The following CELF2 variants were observed in gnomAD, a reference collection of about 807,000 sequenced individuals.
The protein encoded by CELF2 is CUGBP Elav-like family member 2.
A neutral mutation model predicts 62.6 loss-of-function variants in CELF2; 8 were observed. That is an observed-to-expected ratio of 0.13 (90% CI 0.07 to 0.23). CELF2 has a LOEUF of 0.23. Among genes scored for constraint, CELF2 ranks in the 10% least tolerant of loss-of-function variants. The pLI is 1.00. For missense variants in CELF2, 333 were observed against 671.0 expected, an observed-to-expected ratio of 0.50 and a Z score of 5.56; for synonymous variants, 258 against 250.0, an observed-to-expected ratio of 1.03 and a Z score of -0.30.
the CELF2 span, among the ~76,000 whole-genome samples, chr10:10,571,719 T>A: frequency 6.6e-6 from 1 of 152,058 alleles, no homozygotes; most frequent in Non-Finnish European, 1.5e-5. Context: ...TAAGGCTGAG[T>A]CGGACAGCAG....
chr10:10,852,223 C>T (rs2059424854), intron 1 of CELF2, among the ~76,000 whole-genome samples: 1 of 152,138 alleles, frequency 6.6e-6, no homozygotes. Context: ...GATGATTACA[C>T]CAATGTGATA....
the CELF2 span, among the ~76,000 whole-genome samples, chr10:10,750,284 GAA>G: frequency 4.5e-5 from 5 of 110,786 alleles, no homozygotes; most frequent in South Asian, 2.7e-4. Context: ...CCATCTCAAA[GAA>G]AAAAAAAAAA....
chr10:10,540,677 G>T, the CELF2 span, among the ~76,000 whole-genome samples: 1 of 152,264 alleles, frequency 6.6e-6, no homozygotes, highest in East Asian at 1.9e-4. Context: ...CAACATCTGT[G>T]CAGGGAGTCC....
rs1302855149 is a variant in CELF2, at chr10:11,120,970, G to A, written c.75-44516G>A. On this transcript the variant is annotated intron_variant, in intron 1 of 12. Transcript: ENST00000633077. ...TTTAAGCGCGTCCATTTGCAGACGT[G>A]CCAAGAGCTTGCAAGGAGGTGTGTA... Among the ~76,000 whole-genome samples, 6 of 152,264 alleles carry A rather than the reference G, an allele frequency of 3.9e-5. No individual in the cohort carries two copies. The East Asian group carries it at 1.2e-3, about 29-fold the overall frequency.
At chr10:10,630,817 A>C in the CELF2 span, among the ~76,000 whole-genome samples, 3 of 152,242 alleles carry the variant, frequency 2.0e-5, no homozygotes, top group Non-Finnish European at 4.4e-5. Context: ...ATAGCTGCAA[A>C]TAAAGAAAAC....
chr10:10,627,210 C>T, the CELF2 span, among the ~76,000 whole-genome samples: 1 of 152,156 alleles, frequency 6.6e-6, no homozygotes, highest in African/African-American at 2.4e-5. Flanking sequence ...ATATCTCAGA[C>T]CCTCAAACTT....
At chr10:11,230,973 T>C (rs564141278) in intron 3 of CELF2, among the ~76,000 whole-genome samples, 1 of 152,336 alleles carries the variant, frequency 6.6e-6, no homozygotes, top group South Asian at 2.1e-4. Context: ...ACCCTGTGTC[T>C]CTTGCTATCC....
At chr10:10,849,605 C>T (rs2059249184) in intron 1 of CELF2, among the ~76,000 whole-genome samples, 3 of 152,010 alleles carry the variant, frequency 2.0e-5, no homozygotes, top group Non-Finnish European at 4.4e-5. Flanking sequence ...GTGTGTGTTT[C>T]CTAAAAACAA....
chr10:11,175,307 C>T (rs1250568465), intron 2 of CELF2, among the ~76,000 whole-genome samples: 1 of 151,982 alleles, frequency 6.6e-6, no homozygotes, highest in Non-Finnish European at 1.5e-5. Context: ...ACTTAAAAGA[C>T]CTCAGAGCAT....
At chr10:10,504,214 T>C in the CELF2 span, among the ~76,000 whole-genome samples, 1 of 152,122 alleles carries the variant, frequency 6.6e-6, no homozygotes, top group African/African-American at 2.4e-5. Context: ...TCATGGTTTT[T>C]TTCCACTTAG....
At chr10:10,593,689 A>C in the CELF2 span, among the ~76,000 whole-genome samples, 1 of 152,204 alleles carries the variant, frequency 6.6e-6, no homozygotes, top group Non-Finnish European at 1.5e-5. Flanking sequence ...TTTAGGCTTT[A>C]AACCAGGAAG....
the CELF2 span, among the ~76,000 whole-genome samples, chr10:10,713,772 T>C: frequency 0.041 from 6,269 of 152,240 alleles, 296 homozygotes; most frequent in African/African-American, 0.12. Context: ...CGGTGGCTCA[T>C]GCCTGTATTC....
chr10:10,585,573 T>G, the CELF2 span, among the ~76,000 whole-genome samples: 1 of 152,196 alleles, frequency 6.6e-6, no homozygotes. Flanking sequence ...CCTTATTCTG[T>G]TTTTGGAAAT....
At chr10:10,724,700 A>C in the CELF2 span, among the ~76,000 whole-genome samples, 8 of 151,132 alleles carry the variant, frequency 5.3e-5, no homozygotes, top group Admixed American at 4.0e-4. Context: ...ATTATTCTGC[A>C]ACCTAAGTAT....
chr10:10,716,099 G>A, the CELF2 span, among the ~76,000 whole-genome samples: 1 of 152,180 alleles, frequency 6.6e-6, no homozygotes, highest in Non-Finnish European at 1.5e-5. Flanking sequence ...TCTTTCCTAG[G>A]TGGCCCCTGG....
chr10:10,690,312 G>A, the CELF2 span, among the ~76,000 whole-genome samples: 3 of 152,164 alleles, frequency 2.0e-5, no homozygotes, highest in Non-Finnish European at 4.4e-5. Flanking sequence ...CCTTGAGTTA[G>A]AGGCTTGAGT....
the CELF2 span, among the ~76,000 whole-genome samples, chr10:10,647,005 A>G: frequency 5.3e-5 from 8 of 152,160 alleles, no homozygotes; most frequent in Non-Finnish European, 1.0e-4. Context: ...TGAAGGATAC[A>G]TTGCATTTCC....
chr10:11,200,177 A>G (rs1465229912), intron 2 of CELF2, among the ~76,000 whole-genome samples: 1 of 152,224 alleles, frequency 6.6e-6, no homozygotes, highest in African/African-American at 2.4e-5. Flanking sequence ...GAGTTTTACA[A>G]ATAGTTTTCA....
chr10:11,022,210 G>T (rs1227346364), intron 1 of CELF2, among the ~76,000 whole-genome samples: 1 of 152,256 alleles, frequency 6.6e-6, no homozygotes, highest in East Asian at 1.9e-4. Context: ...TTTTTGAAGT[G>T]TTTTTTTCAG....
Sources: gnomAD v4.1 joint callset for allele counts (sites outside exome capture counted in the v4.1 genomes callset) on GRCh38, gnomAD v4.1.1 for gene constraint, MANE v1.5 for transcripts, NCBI Gene and HGNC (gene_info 2026-07-23, HGNC 2026-07-21) for gene names.